SGCZ: variants seen among roughly 807,000 people sequenced by gnomAD.
SGCZ encodes zeta-sarcoglycan.
SGCZ carries 40 observed loss-of-function variants against 41.3 expected under a neutral mutation model. That is an observed-to-expected ratio of 0.97 (90% CI 0.75 to 1.26). The LOEUF is 1.26. Ranked by LOEUF, SGCZ falls within the 50% of genes most tolerant of loss-of-function variation. The probability of loss-of-function intolerance (pLI) is 0.00; values close to 1 mark genes in which losing one functional copy is unlikely to be tolerated. For missense variants in SGCZ, 552 were observed against 369.8 expected (o/e 1.49, Z -4.04); for synonymous variants, 206 against 137.5 (o/e 1.50, Z -3.49).
chr8:14,748,575 T>C (rs1799405507), intron 1 of SGCZ, among the ~76,000 whole-genome samples: 1 of 152,192 alleles, frequency 6.6e-6, no homozygotes, highest in Admixed American at 6.5e-5. Flanking sequence ...TATTTCGGCA[T>C]GTTTCTCTGC....
intron 1 of SGCZ, among the ~76,000 whole-genome samples, chr8:14,728,525 G>A (rs892167076): frequency 2.6e-5 from 4 of 151,876 alleles, no homozygotes; most frequent in African/African-American, 9.7e-5. Flanking sequence ...ATTATGAATA[G>A]TAAAATAATG....
At chr8:15,164,153 G>T (rs1585629610) in intron 1 of SGCZ, among the ~76,000 whole-genome samples, 1 of 152,208 alleles carries the variant, frequency 6.6e-6, no homozygotes, top group Non-Finnish European at 1.5e-5. Flanking sequence ...ATGGGACAAA[G>T]AACCGTGTCT....
chr8:14,687,361 C>G (rs1808647343), intron 1 of SGCZ, among the ~76,000 whole-genome samples: 1 of 148,446 alleles, frequency 6.7e-6, no homozygotes, highest in Non-Finnish European at 1.5e-5. Context: ...CACCCCACAA[C>G]AGTTCCCAGA....
At chr8:14,302,341 G>C (rs1801219750) in intron 3 of SGCZ, among the ~76,000 whole-genome samples, 1 of 151,978 alleles carries the variant, frequency 6.6e-6, no homozygotes, top group Admixed American at 6.6e-5. Flanking sequence ...CCTTATATAG[G>C]TTTACTTTTT....
intron 4 of SGCZ, among the ~76,000 whole-genome samples, chr8:14,195,767 C>T (rs1478014): frequency 0.41 from 62,115 of 151,810 alleles, 13,289 homozygotes; most frequent in South Asian, 0.65. Context: ...AATGCCAAAA[C>T]AATAACAAAA....
At chr8:14,415,996 G>C (rs887202892) in intron 2 of SGCZ, among the ~76,000 whole-genome samples, 1 of 151,868 alleles carries the variant, frequency 6.6e-6, no homozygotes, top group Non-Finnish European at 1.5e-5. Context: ...GTTTCCAAAA[G>C]GCCATTTAAA....
intron 4 of SGCZ, among the ~76,000 whole-genome samples, chr8:14,216,722 T>G (rs73528764): frequency 2.1e-5 from 3 of 144,568 alleles, no homozygotes; most frequent in African/African-American, 4.9e-5. Context: ...AAACTAGAAA[T>G]AGAAGAAATC....
intron 4 of SGCZ, among the ~76,000 whole-genome samples, chr8:14,223,531 G>A: frequency 8.0e-6 from 1 of 124,406 alleles, no homozygotes; most frequent in East Asian, 2.5e-4. Flanking sequence ...GTCACATCTA[G>A]ACCAATATAT....
chr8:14,528,276 G>A (rs929503802), intron 2 of SGCZ, among the ~76,000 whole-genome samples: 5 of 152,232 alleles, frequency 3.3e-5, no homozygotes, highest in South Asian at 4.1e-4. Flanking sequence ...CAATGACAAA[G>A]TTACACATGA....
At chr8:14,151,006 T>C (rs1225163919) in intron 5 of SGCZ, among the ~76,000 whole-genome samples, 1 of 152,016 alleles carries the variant, frequency 6.6e-6, no homozygotes, top group African/African-American at 2.4e-5. Context: ...AGTAAAACGA[T>C]GATTACCAGA....
chr8:14,440,548 A>G (rs1008436847), intron 2 of SGCZ, among the ~76,000 whole-genome samples: 3 of 152,072 alleles, frequency 2.0e-5, no homozygotes, highest in Admixed American at 6.6e-5. Context: ...AATCATCACT[A>G]GCTTCATCTA....
chr8:15,129,707 C>A (rs199755891), intron 1 of SGCZ, among the ~76,000 whole-genome samples: 484 of 107,778 alleles, frequency 4.5e-3, no homozygotes, highest in Non-Finnish European at 5.0e-3. Context: ...GAAGCATTTG[C>A]AAAAAAAAAA....
chr8:14,637,389 C>G (rs1321308031), intron 1 of SGCZ, among the ~76,000 whole-genome samples: 2 of 151,258 alleles, frequency 1.3e-5, no homozygotes, highest in Non-Finnish European at 2.9e-5. Context: ...TTGCGTGATG[C>G]TGCGGTTTGG....
At chr8:14,332,356 G>T (rs1802361686) in intron 2 of SGCZ, among the ~76,000 whole-genome samples, 1 of 152,092 alleles carries the variant, frequency 6.6e-6, no homozygotes. Context: ...CAGGAGAATG[G>T]TGTGAACCCG....
chr8:15,051,588 G>C (rs569755521), intron 1 of SGCZ, among the ~76,000 whole-genome samples: 7 of 152,156 alleles, frequency 4.6e-5, no homozygotes, highest in African/African-American at 1.7e-4. Context: ...GATACTGACA[G>C]AGTTTTCCAA....
intron 1 of SGCZ, among the ~76,000 whole-genome samples, chr8:14,785,657 A>G (rs1800746621): frequency 6.6e-6 from 1 of 152,296 alleles, no homozygotes; most frequent in Non-Finnish European, 1.5e-5. Flanking sequence ...CCATAACTTT[A>G]AAGATTTGAG....
intron 2 of SGCZ, among the ~76,000 whole-genome samples, chr8:14,326,660 G>A (rs1403494787): frequency 6.6e-6 from 1 of 152,132 alleles, no homozygotes; most frequent in African/African-American, 2.4e-5. Flanking sequence ...AACCCAAAAT[G>A]AATGAACGAT....
intron 1 of SGCZ, among the ~76,000 whole-genome samples, chr8:14,713,660 A>T (rs1417296220): frequency 6.6e-6 from 1 of 151,164 alleles, no homozygotes; most frequent in Non-Finnish European, 1.5e-5. Context: ...AGAAAACTCC[A>T]ACCCTTAAAA....
intron 1 of SGCZ, among the ~76,000 whole-genome samples, chr8:14,833,517 T>C (rs532846209): frequency 6.6e-6 from 1 of 152,304 alleles, no homozygotes; most frequent in East Asian, 1.9e-4. Context: ...TGAACTGACA[T>C]CCTTGCCTAG....
Sources: gnomAD v4.1 joint callset for allele counts (sites outside exome capture counted in the v4.1 genomes callset) on GRCh38, gnomAD v4.1.1 for gene constraint, MANE v1.5 for transcripts, NCBI Gene and HGNC (gene_info 2026-07-23, HGNC 2026-07-21) for gene names.